DUOXA1: variants seen among roughly 807,000 people sequenced by gnomAD.
The protein encoded by DUOXA1 is dual oxidase activator 1.
DUOXA1 carries 19 observed loss-of-function variants against 26.6 expected under a neutral mutation model. That is an observed-to-expected ratio of 0.71 (90% confidence interval 0.50 to 1.05). The LOEUF (loss-of-function observed/expected upper bound fraction) is 1.05, where lower values mean the gene tolerates loss of function less well. DUOXA1 is among the 50% of genes least tolerant of loss of function. The probability of loss-of-function intolerance (pLI) is 0.00; values close to 1 mark genes in which losing one functional copy is unlikely to be tolerated. For synonymous variants in DUOXA1, 166 were observed against 177.0 expected (o/e 0.94, Z 0.49); for missense variants, 403 against 427.5 (o/e 0.94, Z 0.51).
intron 3 of DUOXA1, among the ~76,000 whole-genome samples, chr15:45,128,372 C>T (rs1895855537): frequency 2.0e-5 from 3 of 152,190 alleles, no homozygotes; most frequent in South Asian, 4.1e-4. Flanking sequence ...GAGTAAGGGC[C>T]ACTAATTCTC....
chr15:45,118,712 G>A lies in DUOXA1; in HGVS notation c.*394C>T. 1.0e-6 allele frequency: 1 copy of A among 1,000,100 alleles called. No individual in the cohort carries two copies. Among genetic ancestry groups the A allele is most frequent in the Non-Finnish European group, 1.2e-6 (1 of 840,244 alleles). The allele number at this position is 1,000,100 out of a possible 1,614,324, so 62.0% of individuals were successfully genotyped here. A position where few individuals can be genotyped will look rare whatever the true frequency, so the allele number is the denominator to read the frequency against. On this transcript the variant is annotated 3_prime_UTR_variant, in exon 9 of 9. Coordinates refer to ENST00000560572, the MANE Select transcript of DUOXA1 (RefSeq NM_001276266.2). ...CCCAGGAAAAAGGAAAACAAGAGGT[G>A]CCGAGGGATGAGAGGAAACCATAGG...
chr15:45,122,990 G>A lies in DUOXA1; in HGVS notation c.25C>T (p.Pro9Ser), dbSNP rs1895376607. Residue 9 changes from proline (P) to serine (S), a missense_variant, in exon 4 of 9, where the codon CCC becomes TCC. Coordinates refer to ENST00000560572, the MANE Select transcript of DUOXA1 (RefSeq NM_001276266.2). Reference protein sequence around the residue: MATLGHTFPFYAGPKPTFP... With the variant: MATLGHTFSFYAGPKPTFP... ...GTTGGCTTGGGGCCAGCATAGAAGG[G>A]GAATGTGTGTCCCAAAGTAGCCATC... 1.9e-6 allele frequency: 3 copies of A among 1,611,930 alleles called. No individual in the cohort carries two copies. The highest frequency in any genetic ancestry group is 1.1e-5 in the South Asian group (1 of 90,594).
rs766732857 is a variant in DUOXA1, at chr15:45,120,255, C to G, written c.620G>C (p.Gly207Ala). 1.2e-6 allele frequency: 2 copies of G among 1,614,006 alleles called. No homozygotes were observed. The highest frequency in any genetic ancestry group is 4.5e-5 in the East Asian group (2 of 44,898). ...GATGCCCGTGGCCAATAGCATGTAG[C>G]CACCATATACCAGCACAGGCATGGA... ...MLSMPVLVYG[G>A]YMLLATGIFQ... Residue 207 changes from glycine (G) to alanine (A), a missense_variant, in exon 8 of 9, where the codon GGC (glycine) becomes GCC (alanine). By Grantham distance (60) the Gly-to-Ala change is moderately conservative. Coordinates refer to ENST00000560572, the MANE Select transcript of DUOXA1 (RefSeq NM_001276266.2).
In DUOXA1 at chr15:45,117,642, G is replaced by C. The variant is rs375505355; in HGVS notation, c.*1464C>G. On this transcript the variant is annotated 3_prime_UTR_variant, in exon 9 of 9. Coordinates refer to ENST00000560572, the MANE Select transcript of DUOXA1 (RefSeq NM_001276266.2). ...GAGGCAGGAAGGTCGTTTGAGGCCA[G>C]AGTTCGAGACCAGCCTGGGCAACAT... The C allele has an allele frequency of 6.2e-7, 1 of 1,613,810 alleles. No homozygotes were observed. The highest frequency in any genetic ancestry group is 8.5e-7 in the Non-Finnish European group (1 of 1,179,886).
In DUOXA1 at chr15:45,121,046, C is replaced by A; in HGVS notation, c.340+41G>T. On this transcript the variant is annotated intron_variant, in intron 6 of 8. Transcript: ENST00000560572. Reference sequence around the variant, plus strand: ...CACCAAACATAGATCCCAAAGATGGCAGAGCCTTCCCCCCCACCACAGGTA... The same window carrying A: ...CACCAAACATAGATCCCAAAGATGGAAGAGCCTTCCCCCCCACCACAGGTA... 2.5e-6 allele frequency: 4 copies of A among 1,612,578 alleles called. 1 individual carries two copies. In the Admixed American group the frequency reaches 6.7e-5, roughly 27 times the overall value.
Position 45,119,147 on chromosome 15 carries a change from A to G in DUOXA1, c.991T>C (p.Cys331Arg). The change falls in exon 9 of 9, where the codon TGT becomes CGT. Residue 331 changes from cysteine to arginine, a missense_variant. Cys to Arg is a radical substitution (Grantham distance 180, BLOSUM62 -3). Transcript: ENST00000560572. ...LSEASSTKAYCKEAHPKDPDC... is the reference protein window; with the variant it reads ...LSEASSTKAYRKEAHPKDPDC... The stretch of plus-strand genomic sequence containing the variant: ...GGATCTTTGGGGTGTGCCTCCTTAC[A>G]GTATGCCTTGGTGGAGGAAGCCTCT... 6.2e-7 allele frequency: 1 copy of G among 1,607,686 alleles called. No homozygotes were observed. The highest frequency in any genetic ancestry group is 8.5e-7 in the Non-Finnish European group (1 of 1,174,650).
In DUOXA1 at chr15:45,117,998, G is replaced by A; in HGVS notation, c.*1108C>T. On this transcript the variant is annotated 3_prime_UTR_variant, in exon 9 of 9. Coordinates refer to ENST00000560572, the MANE Select transcript of DUOXA1 (RefSeq NM_001276266.2). ...CAGGCCTGGGCCAGGAGAGCTCCAGGAAGGGCACTGAGCGCTGCTGGCGCG... is the reference window on the plus strand; with the variant it reads ...CAGGCCTGGGCCAGGAGAGCTCCAGAAAGGGCACTGAGCGCTGCTGGCGCG... The A allele has an allele frequency of 6.2e-7, 1 of 1,611,514 alleles. No homozygotes were observed. The highest frequency in any genetic ancestry group is 8.5e-7 in the Non-Finnish European group (1 of 1,178,728).
Position 45,120,306 on chromosome 15 carries a change from C to T in DUOXA1, c.569G>A (p.Cys190Tyr). 6.2e-7 allele frequency: 1 copy of T among 1,614,026 alleles called. No individual in the cohort carries two copies. The highest frequency in any genetic ancestry group is 1.3e-5 in the African/African-American group (1 of 75,050). The change falls in exon 8 of 9, where the codon TGC becomes TAC. Residue 190 changes from cysteine to tyrosine, a missense_variant. Physicochemically the swap from Cys to Tyr is radical, Grantham distance 194. Transcript: ENST00000560572. ...TSAMLWVAFL[C>Y]WLLANVMLSM... is the part of the protein sequence containing the mutation. ...GAGCATCACATTGGCCAGCAGCCAG[C>T]AGAGGAATGCCACCCTGGAGAGCCA...
rs934305169 is a variant in DUOXA1, at chr15:45,118,374, G to C, written c.*732C>G. 6.3e-6 allele frequency: 7 copies of C among 1,112,392 alleles called. No homozygotes were observed. The African/African-American group carries it at 8.1e-5, about 13-fold the overall frequency. The allele number at this position is 1,112,392 out of a possible 1,614,324, so 68.9% of individuals were successfully genotyped here. ...CCCCGTCCTGGATGCCACTCAGCTA[G>C]CCCAGCTGAGTGGGGTGGGAAGGAA... On this transcript the variant is annotated 3_prime_UTR_variant, in exon 9 of 9. Transcript: ENST00000560572.
In DUOXA1 at chr15:45,117,826, G is replaced by C. The variant is rs1324248967; in HGVS notation, c.*1280C>G. ...CGCCAAGGACTGCAGCCAGGAGAGAGGGGGCTCACCTCTTATCCTCGGCGA... is the reference window on the plus strand; with the variant it reads ...CGCCAAGGACTGCAGCCAGGAGAGACGGGGCTCACCTCTTATCCTCGGCGA... On this transcript the variant is annotated 3_prime_UTR_variant, in exon 9 of 9. Coordinates refer to ENST00000560572, the MANE Select transcript of DUOXA1 (RefSeq NM_001276266.2). 9 of 1,613,780 alleles carry C rather than the reference G, an allele frequency of 5.6e-6. No individual in the cohort carries two copies. The highest frequency in any genetic ancestry group is 1.7e-5 in the Admixed American group (1 of 60,018).
chr15:45,117,687 C>T lies in DUOXA1; in HGVS notation c.*1419G>A, dbSNP rs1894745208. On this transcript the variant is annotated 3_prime_UTR_variant, in exon 9 of 9. Transcript: ENST00000560572. ...CAACATAGCCCTGACTCCACATGCC[C>T]TCCTTTCTTTCGATCCCCACCGCCA... 6.2e-7 allele frequency: 1 copy of T among 1,613,844 alleles called. No homozygotes were observed. Among genetic ancestry groups the T allele is most frequent in the Non-Finnish European group, 8.5e-7 (1 of 1,179,916 alleles).
chr15:45,121,713 C>T (rs1895224974), intron 5 of DUOXA1, among the ~76,000 whole-genome samples: 1 of 152,130 alleles, frequency 6.6e-6, no homozygotes, highest in African/African-American at 2.4e-5. Context: ...ATGGGGTTTC[C>T]CCCATGTTGG....
intron 3 of DUOXA1, among the ~76,000 whole-genome samples, chr15:45,124,827 T>C (rs534623815): frequency 2.8e-4 from 43 of 152,320 alleles, no homozygotes; most frequent in Non-Finnish European, 5.7e-4. Flanking sequence ...CAATCTTTTT[T>C]GAAGAGAACC....
At position 45,118,023 on chromosome 15, in the gene DUOXA1, G is replaced by T. The variant is rs1346624240; in HGVS notation, c.*1083C>A. 1 of 1,601,738 alleles carries T rather than the reference G, an allele frequency of 6.2e-7. No individual in the cohort carries two copies. The highest frequency in any genetic ancestry group is 1.3e-5 in the African/African-American group (1 of 74,678). ...GAAGGGCACTGAGCGCTGCTGGCGC[G>T]AGGCCTCGGACATCCGCAGGCACCA... On this transcript the variant is annotated 3_prime_UTR_variant, in exon 9 of 9. Coordinates refer to ENST00000560572, the MANE Select transcript of DUOXA1 (RefSeq NM_001276266.2).
intron 3 of DUOXA1, among the ~76,000 whole-genome samples, chr15:45,124,247 G>A (rs1020013207): frequency 6.6e-6 from 1 of 152,198 alleles, no homozygotes; most frequent in Admixed American, 6.5e-5. Context: ...CCTCTTGCAA[G>A]TTACTTGACC....
chr15:45,122,724 G>T, intron 4 of DUOXA1, 144 bp downstream of exon 4: 1 of 1,003,316 alleles, frequency 1.0e-6, no homozygotes, highest in Non-Finnish European at 1.4e-6. Context: ...TCAATGAATG[G>T]GGAGCTTTCT....
In DUOXA1 at chr15:45,118,189, G is replaced by GT. The variant is rs1555415994; in HGVS notation, c.*916dup. ...GCTTCGCTGGGCTGGAGACAGCCTAGTACACTCTCCGCAGTGCTGTGAAAC... is the reference window on the plus strand; with the variant it reads ...GCTTCGCTGGGCTGGAGACAGCCTAGTTACACTCTCCGCAGTGCTGTGAAAC... On this transcript the variant is annotated 3_prime_UTR_variant, in exon 9 of 9. Coordinates refer to ENST00000560572, the MANE Select transcript of DUOXA1 (RefSeq NM_001276266.2). 8 of 1,431,390 alleles carry GT rather than the reference G, an allele frequency of 5.6e-6. No homozygotes were observed. The highest frequency in any genetic ancestry group is 7.3e-6 in the Non-Finnish European group (8 of 1,098,286). 88.7% of individuals were successfully genotyped at this position (1,431,390 alleles called of 1,614,324 possible).
chr15:45,119,467 C>T, intron 8 of DUOXA1, 102 bp from the exon 9 acceptor site: 1 of 1,456,908 alleles, frequency 6.9e-7, no homozygotes, highest in Non-Finnish European at 9.1e-7. Context: ...AAGCCTAGAG[C>T]CCCTGCTTCA....
At position 45,120,733 on chromosome 15, in the gene DUOXA1, T is replaced by C; in HGVS notation, c.413A>G (p.Tyr138Cys). 2 of 1,614,098 alleles carry C rather than the reference T, an allele frequency of 1.2e-6. No homozygotes were observed. The highest frequency in any genetic ancestry group is 1.7e-6 in the Non-Finnish European group (2 of 1,179,996). The change falls in exon 7 of 9, where the codon TAT becomes TGT. Residue 138 changes from tyrosine to cysteine, a missense_variant. Physicochemically the swap from Tyr to Cys is radical, Grantham distance 194. Coordinates refer to ENST00000560572, the MANE Select transcript of DUOXA1 (RefSeq NM_001276266.2). ...EEFTWRLGEN[Y>C]AEEYAKALEK... ...CAGAGCCTTTGCATACTCCTCAGCATAGTTCTCACCCAGGCGCCAGGTGAA... is the reference window on the plus strand; with the variant it reads ...CAGAGCCTTTGCATACTCCTCAGCACAGTTCTCACCCAGGCGCCAGGTGAA...
Sources: gnomAD v4.1 joint callset for allele counts (sites outside exome capture counted in the v4.1 genomes callset) on GRCh38, gnomAD v4.1.1 for gene constraint, MANE v1.5 for transcripts, NCBI Gene and HGNC (gene_info 2026-07-23, HGNC 2026-07-21) for gene names.